The following BRCA1 variants were observed in gnomAD, a reference collection of about 807,000 sequenced individuals.
The protein encoded by BRCA1 is BRCA1 DNA repair associated.
A neutral mutation model predicts 173.7 loss-of-function variants in BRCA1; 140 were observed. That is an observed-to-expected ratio of 0.81 (90% CI 0.70 to 0.93). BRCA1 has a LOEUF of 0.93. BRCA1 is among the 40% of genes least tolerant of loss of function. The probability of loss-of-function intolerance (pLI) is 0.00; values close to 1 mark genes in which losing one functional copy is unlikely to be tolerated. For synonymous variants in BRCA1, 662 were observed against 756.0 expected, an observed-to-expected ratio of 0.88 and a Z score of 2.04; for missense variants, 1,983 against 2,172.5, an observed-to-expected ratio of 0.91 and a Z score of 1.73.
chr17:43,056,145 C>A (rs1300727736), intron 19 of BRCA1, among the ~76,000 whole-genome samples: 2 of 151,562 alleles, frequency 1.3e-5, no homozygotes, highest in African/African-American at 2.4e-5. Flanking sequence ...CATGGTTGGG[C>A]CTTTAGAGCA....
chr17:43,082,538 T>G lies in BRCA1; in HGVS notation c.4223A>C (p.Gln1408Pro), dbSNP rs1555584227. Reference protein sequence around the residue: ...DTMQHNLIKLQQEMAELEAVL... With the variant: ...DTMQHNLIKLPQEMAELEAVL... ...AGCTTCTAGTTCAGCCATTTCCTGC[T>G]GGAGCTTTATCAGGTTATGTTGCAT... The change falls in exon 12 of 23, where the codon CAG becomes CCG. Residue 1408 changes from glutamine to proline, a missense_variant. Gln to Pro is a moderately conservative substitution (Grantham distance 76). Coordinates refer to ENST00000357654, the MANE Select transcript of BRCA1 (RefSeq NM_007294.4). 6.2e-7 allele frequency: 1 copy of G among 1,614,202 alleles called. No individual in the cohort carries two copies. The highest frequency in any genetic ancestry group is 8.5e-7 in the Non-Finnish European group (1 of 1,180,034).
At chr17:43,070,249 T>G (rs1302838382) in intron 15 of BRCA1, among the ~76,000 whole-genome samples, 1 of 151,964 alleles carries the variant, frequency 6.6e-6, no homozygotes, top group East Asian at 1.9e-4. Context: ...TTATTTTTAT[T>G]ATGAAGTGAT....
intron 3 of BRCA1, among the ~76,000 whole-genome samples, chr17:43,107,252 A>G (rs2054835275): frequency 6.6e-6 from 1 of 151,358 alleles, no homozygotes; most frequent in African/African-American, 2.4e-5. Context: ...TTTAGTAGAG[A>G]CGGGGTTTCA....
At chr17:43,087,335 C>T (rs2053265279) in intron 11 of BRCA1, among the ~76,000 whole-genome samples, 1 of 152,096 alleles carries the variant, frequency 6.6e-6, no homozygotes, top group East Asian at 1.9e-4. Flanking sequence ...GATAGAATCC[C>T]ATATAGTAAT....
intron 2 of BRCA1, among the ~76,000 whole-genome samples, chr17:43,121,683 CAAAAAAAA>C (rs71160013): frequency 3.0e-5 from 1 of 32,898 alleles, no homozygotes; most frequent in Non-Finnish European, 5.1e-5. Context: ...AAGTCTGTCT[CAAAAAAAA>C]AAAAAAAAAA....
chr17:43,139,663 T>C (rs369411594), intron 1 of BRCA1, among the ~76,000 whole-genome samples: 16 of 152,230 alleles, frequency 1.1e-4, no homozygotes, highest in Middle Eastern at 3.4e-3. Flanking sequence ...CAGTACCCAG[T>C]AGTTTTTTTG....
intron 13 of BRCA1, among the ~76,000 whole-genome samples, chr17:43,075,286 G>T (rs975467104): frequency 1.3e-5 from 2 of 152,098 alleles, no homozygotes; most frequent in Non-Finnish European, 2.9e-5. Context: ...AGAATTCACA[G>T]AATCATCCCT....
rs863224417 is a variant in BRCA1 at position 43,115,711 on chromosome 17, C to T, written c.134+15G>A. On this transcript the variant is annotated intron_variant, in intron 3 of 22. Coordinates refer to ENST00000357654, the MANE Select transcript of BRCA1 (RefSeq NM_007294.4). ...AAAAGCTAATAATGGAGCCACATAA[C>T]ACATTCAAACTTACTTGCAAAATAT... 4.3e-6 allele frequency: 7 copies of T among 1,611,398 alleles called. No individual in the cohort carries two copies. The highest frequency in any genetic ancestry group is 5.9e-6 in the Non-Finnish European group (7 of 1,178,278).
At chr17:43,107,068 T>TTC (rs769696827) in intron 3 of BRCA1, among the ~76,000 whole-genome samples, 12 of 149,352 alleles carry the variant, frequency 8.0e-5, no homozygotes, top group Non-Finnish European at 1.8e-4. Flanking sequence ...GACAATTTTT[T>TTC]TTTTTTTTTT....
At chr17:43,126,869 G>A (rs554304339), upstream of BRCA1, among the ~76,000 whole-genome samples, 38 of 152,202 alleles carry the variant, frequency 2.5e-4, no homozygotes, top group Admixed American at 1.3e-3. Context: ...CTGGGGCTGC[G>A]CGCAGCGCTC....
chr17:43,094,799 A>G lies in BRCA1; in HGVS notation c.732T>C (p.Asn244=), dbSNP rs2054057742. ...TNTEHHQPSN[N]DLNTTEKRAA... is the part of the protein sequence containing the mutation. ...CACGCTTCTCAGTGGTGTTCAAATC[A>G]TTATTACTGGGTTGATGATGTTCAG... Residue 244 remains asparagine (N), a synonymous_variant, in exon 10 of 23, where the codon AAT becomes AAC. Transcript: ENST00000357654. 1.2e-6 allele frequency: 2 copies of G among 1,613,322 alleles called. No homozygotes were observed. Among genetic ancestry groups the G allele is most frequent in the African/African-American group, 1.3e-5 (1 of 74,844 alleles).
chr17:43,099,902 A>T (rs1210972484), intron 6 of BRCA1, 22 bp from the exon 7 acceptor site: 1 of 1,573,546 alleles, frequency 6.4e-7, no homozygotes, highest in South Asian at 1.1e-5. Flanking sequence ...GGTAAAGAAC[A>T]GTCAAGCAAT....
At chr17:43,141,800 A>C (rs2056077524) in intron 1 of BRCA1, among the ~76,000 whole-genome samples, 1 of 150,810 alleles carries the variant, frequency 6.6e-6, no homozygotes, top group Non-Finnish European at 1.5e-5. Context: ...CGACAGACCG[A>C]AAAAAAAAAT....
In BRCA1 at chr17:43,124,057, C is replaced by G. The variant is rs2055732548; in HGVS notation, c.40G>C (p.Val14Leu). The change falls in exon 2 of 23, where the codon GTC (valine) becomes CTC (leucine). Residue 14 changes from valine to leucine, a missense_variant. Physicochemically the swap from Val to Leu is conservative, Grantham distance 32. Coordinates refer to ENST00000357654, the MANE Select transcript of BRCA1 (RefSeq NM_007294.4). ...AAGATTTTCTGCATAGCATTAATGA[C>G]ATTTTGTACTTCTTCAACGCGAAGA... ...SALRVEEVQN[V>L]INAMQKILEC... 1 of 1,613,844 alleles carries G rather than the reference C, an allele frequency of 6.2e-7. No individual in the cohort carries two copies. Among genetic ancestry groups the G allele is most frequent in the Non-Finnish European group, 8.5e-7 (1 of 1,179,812 alleles).
At chr17:43,157,857 T>G (rs12937465) in intron 1 of BRCA1, among the ~76,000 whole-genome samples, 1 of 151,284 alleles carries the variant, frequency 6.6e-6, no homozygotes, top group East Asian at 2.0e-4. Flanking sequence ...ATTAGCTGGC[T>G]TGGTGGCGCA....
At position 43,092,281 on chromosome 17, in the gene BRCA1, G is replaced by T. The variant is rs879254009; in HGVS notation, c.3250C>A (p.Leu1084Ile). The change falls in exon 10 of 23, where the codon CTT (leucine) becomes ATT (isoleucine). Residue 1084 changes from leucine to isoleucine, a missense_variant. Leu to Ile is a conservative substitution (Grantham distance 5, BLOSUM62 2). Transcript: ENST00000357654. Reference sequence around the variant, plus strand: ...TCAGGTTGCAAAACCCCTAATCTAAGCATAGCATTCAATTTTGGCCCTCTG... The same window carrying T: ...TCAGGTTGCAAAACCCCTAATCTAATCATAGCATTCAATTTTGGCCCTCTG... The part of the protein sequence containing the change: ...RNRGPKLNAM[L>I]RLGVLQPEVY... The T allele has an allele frequency of 4.3e-6, 7 of 1,613,638 alleles. No individual in the cohort carries two copies. The highest frequency in any genetic ancestry group is 5.1e-6 in the Non-Finnish European group (6 of 1,179,998).
chr17:43,145,664 A>G (rs1202995531), intron 1 of BRCA1, among the ~76,000 whole-genome samples: 3 of 152,116 alleles, frequency 2.0e-5, no homozygotes, highest in African/African-American at 7.2e-5. Flanking sequence ...TGTAAATGCA[A>G]GTTTTTTAGT....
At chr17:43,159,243 T>C (rs2056217978) in intron 1 of BRCA1, among the ~76,000 whole-genome samples, 1 of 152,192 alleles carries the variant, frequency 6.6e-6, no homozygotes. Context: ...AGAGATCCTG[T>C]ATAAAAAAAC....
intron 1 of BRCA1, chr17:43,164,669 A>T (rs1309373958): frequency 1.3e-5 from 2 of 152,024 alleles, no homozygotes; most frequent in Admixed American, 6.6e-5. Flanking sequence ...TGGTGTGACG[A>T]GTCCATCCTT....
Sources: allele counts gnomAD v4.1 joint callset (sites outside exome capture counted in the v4.1 genomes callset), GRCh38; gene constraint gnomAD v4.1.1; transcripts MANE v1.5; gene names NCBI Gene and HGNC (gene_info 2026-07-23, HGNC 2026-07-21).